Variants in RBX1 observed in about 807,000 individuals in gnomAD.
RBX1 encodes ring-box 1.
For missense variants in RBX1, 46 were observed against 141.4 expected (o/e 0.33, Z 3.42); for synonymous variants, 48 against 47.9 (o/e 1.00, Z -0.01).
chr22:40,965,748 C>T (rs1222147602), intron 3 of RBX1, among the ~76,000 whole-genome samples: 1 of 152,158 alleles, frequency 6.6e-6, no homozygotes, highest in Non-Finnish European at 1.5e-5. Context: ...AGCCCCTACC[C>T]GCACTTTCGG....
At chr22:40,967,138 A>C (rs1470800125) in intron 3 of RBX1, 1 of 151,910 alleles carries the variant, frequency 6.6e-6, no homozygotes, top group Non-Finnish European at 1.5e-5. Context: ...TTTTACCCCA[A>C]TTTTCTTTTA....
intron 4 of RBX1, among the ~76,000 whole-genome samples, chr22:40,969,976 G>C (rs548068744): frequency 6.7e-6 from 1 of 150,114 alleles, no homozygotes; most frequent in African/African-American, 2.5e-5. Flanking sequence ...TGGGAGGATC[G>C]CTTGAGCCCA....
chr22:40,971,551 T>G (rs2058369075), intron 4 of RBX1, among the ~76,000 whole-genome samples: 1 of 152,026 alleles, frequency 6.6e-6, no homozygotes, highest in South Asian at 2.1e-4. Context: ...CTTTATTTAT[T>G]TTTATTTATA....
chr22:40,971,761 T>C (rs368032788), intron 4 of RBX1, among the ~76,000 whole-genome samples: 5 of 152,208 alleles, frequency 3.3e-5, no homozygotes, highest in South Asian at 4.1e-4. Flanking sequence ...TTCACCATGT[T>C]GGCCAGGCTG....
At chr22:40,955,514 T>TAA (rs71695312) in intron 2 of RBX1, among the ~76,000 whole-genome samples, 2 of 150,008 alleles carry the variant, frequency 1.3e-5, no homozygotes, top group South Asian at 2.1e-4. Flanking sequence ...GTAATTGATG[T>TAA]AAAAAAAAAA....
chr22:40,969,187 C>G (rs2058361992), intron 4 of RBX1, among the ~76,000 whole-genome samples: 1 of 151,952 alleles, frequency 6.6e-6, no homozygotes, highest in South Asian at 2.1e-4. Flanking sequence ...GGGGCACATA[C>G]CTGTAATCCC....
At chr22:40,968,049 C>T (rs543514392) in intron 4 of RBX1, among the ~76,000 whole-genome samples, 165 bp downstream of exon 4, 91 of 150,950 alleles carry the variant, frequency 6.0e-4, no homozygotes, top group Non-Finnish European at 9.9e-4. Flanking sequence ...AAAGGATTAG[C>T]CAACATTAGA....
intron 2 of RBX1, among the ~76,000 whole-genome samples, chr22:40,958,920 TCTC>T (rs1049035005): frequency 6.6e-6 from 1 of 152,102 alleles, no homozygotes; most frequent in East Asian, 1.9e-4. Context: ...TTCAAGCTAT[TCTC>T]CTGCCTCAGC....
intron 4 of RBX1, among the ~76,000 whole-genome samples, chr22:40,969,885 T>C (rs2058364027): frequency 7.0e-6 from 1 of 143,414 alleles, no homozygotes; most frequent in Non-Finnish European, 1.5e-5. Context: ...TGAGACCCTA[T>C]CTCAAAAAAA....
chr22:40,966,250 C>T (rs1378652764), intron 3 of RBX1: 3 of 152,226 alleles, frequency 2.0e-5, no homozygotes, highest in Admixed American at 2.0e-4. Flanking sequence ...ACTTTGACCG[C>T]TAAATATATC....
chr22:40,962,364 G>A (rs1334563871), intron 2 of RBX1, among the ~76,000 whole-genome samples: 1 of 152,058 alleles, frequency 6.6e-6, no homozygotes, highest in Non-Finnish European at 1.5e-5. Context: ...CATTACAGGT[G>A]TGAGCCAACA....
At chr22:40,954,262 C>CAA (rs1414885872) in intron 2 of RBX1, among the ~76,000 whole-genome samples, 1 of 125,000 alleles carries the variant, frequency 8.0e-6, no homozygotes, top group Admixed American at 7.9e-5. Context: ...CAGCAAGACT[C>CAA]AAAGTCTCAA....
intron 2 of RBX1, among the ~76,000 whole-genome samples, chr22:40,957,783 G>T (rs1196707094): frequency 6.6e-6 from 1 of 151,992 alleles, no homozygotes; most frequent in Admixed American, 6.6e-5. Flanking sequence ...TCCTACCTCA[G>T]CCTCTAAGTA....
intron 3 of RBX1, among the ~76,000 whole-genome samples, chr22:40,965,812 A>G (rs1184302104): frequency 4.6e-5 from 7 of 152,184 alleles, no homozygotes; most frequent in Non-Finnish European, 1.0e-4. Context: ...ACAATAGACC[A>G]TGTTGGCCAT....
At chr22:40,963,801 A>G (rs2058347173) in intron 2 of RBX1, among the ~76,000 whole-genome samples, 1 of 152,198 alleles carries the variant, frequency 6.6e-6, no homozygotes, top group Non-Finnish European at 1.5e-5. Flanking sequence ...AGCCATGCTC[A>G]TGCCACTGCA....
chr22:40,967,983 T>G lies in RBX1; in HGVS notation c.314+99T>G, dbSNP rs755845995. ...GGAGACATGATACATGCCTTGTTTT[T>G]TTTAAAACTAGTTTTTGGTTACTTA... On this transcript the variant is annotated intron_variant, in intron 4 of 4. Coordinates refer to ENST00000216225, the MANE Select transcript of RBX1 (RefSeq NM_014248.4). 1.7e-4 allele frequency: 135 copies of G among 773,334 alleles called. No individual in the cohort carries two copies. The Middle Eastern group carries it at 1.9e-3, about 11-fold the overall frequency. 47.9% of individuals were successfully genotyped at this position (773,334 alleles called of 1,614,324 possible).
intron 3 of RBX1, among the ~76,000 whole-genome samples, chr22:40,965,643 G>A (rs1464374234): frequency 6.6e-6 from 1 of 152,118 alleles, no homozygotes; most frequent in Non-Finnish European, 1.5e-5. Context: ...GTTTCGCCAT[G>A]TTGGCCAGGC....
chr22:40,964,480 G>A (rs778317558), intron 3 of RBX1: 6 of 199,202 alleles, frequency 3.0e-5, no homozygotes, highest in Non-Finnish European at 5.2e-5. Context: ...GTGTCTAATG[G>A]AACTAAGTTT....
At chr22:40,959,278 G>A (rs1000233610) in intron 2 of RBX1, among the ~76,000 whole-genome samples, 3 of 152,176 alleles carry the variant, frequency 2.0e-5, no homozygotes, top group Non-Finnish European at 4.4e-5. Flanking sequence ...ACATGAACCC[G>A]TTATGTGCCA....
Sources: allele counts gnomAD v4.1 joint callset (sites outside exome capture counted in the v4.1 genomes callset), GRCh38; gene constraint gnomAD v4.1.1; transcripts MANE v1.5; gene names NCBI Gene and HGNC (gene_info 2026-07-23, HGNC 2026-07-21).